COG5: variants seen among roughly 807,000 people sequenced by gnomAD.
COG5 encodes the protein component of oligomeric golgi complex 5.
COG5 carries 86 observed loss-of-function variants against 110.4 expected under a neutral mutation model. The ratio of observed to expected loss-of-function variants is 0.78; its 90% confidence interval spans 0.65 to 0.93. The LOEUF (loss-of-function observed/expected upper bound fraction) is 0.93, where lower values mean the gene tolerates loss of function less well. Ranked by LOEUF, COG5 falls within the 40% of genes least tolerant of loss-of-function variation. The pLI is 0.00. For missense variants in COG5, 1,077 were observed against 987.0 expected (o/e 1.09, Z -1.22); for synonymous variants, 360 against 334.6 (o/e 1.08, Z -0.83).
At chr7:107,557,384 C>T (rs985747570) in intron 2 of COG5, among the ~76,000 whole-genome samples, 1 of 152,188 alleles carries the variant, frequency 6.6e-6, no homozygotes, top group Non-Finnish European at 1.5e-5. Context: ...AGGAGGGAAT[C>T]TTCAAAGTTA....
chr7:107,311,548 C>G (rs59925720), intron 11 of COG5, among the ~76,000 whole-genome samples: 2 of 149,754 alleles, frequency 1.3e-5, no homozygotes, highest in African/African-American at 2.4e-5. Flanking sequence ...CGCCCGCCAC[C>G]GCGCCCGGCT....
At chr7:107,409,400 G>A (rs567051861) in intron 7 of COG5, among the ~76,000 whole-genome samples, 2 of 151,938 alleles carry the variant, frequency 1.3e-5, no homozygotes, top group African/African-American at 2.4e-5. Flanking sequence ...ATTACTGAAA[G>A]TAATCTACTT....
chr7:107,234,797 TAAG>T (rs1312708475), intron 18 of COG5, among the ~76,000 whole-genome samples: 1 of 151,010 alleles, frequency 6.6e-6, no homozygotes. Flanking sequence ...TTTAAACAAA[TAAG>T]AGGAGGTTCT....
At chr7:107,373,092 TATTAGAAATAACATTTGTTA>T (rs1027317975) in intron 7 of COG5, among the ~76,000 whole-genome samples, 13 of 152,116 alleles carry the variant, frequency 8.5e-5, no homozygotes, top group African/African-American at 3.1e-4. Context: ...AAAAGAACCA[TATTAGAAATAACATTTGTTA>T]TTTCTACATT....
chr7:107,279,727 A>G (rs1469450481), intron 14 of COG5, among the ~76,000 whole-genome samples: 1 of 152,146 alleles, frequency 6.6e-6, no homozygotes, highest in Non-Finnish European at 1.5e-5. Context: ...CTAAAATGAA[A>G]GTTGAAAAAT....
chr7:107,471,215 A>G (rs982878392), intron 6 of COG5, among the ~76,000 whole-genome samples: 5 of 152,136 alleles, frequency 3.3e-5, no homozygotes, highest in African/African-American at 9.6e-5. Flanking sequence ...TTATTTAAAG[A>G]AACAATTTTA....
chr7:107,499,858 A>AT (rs1397567708), intron 6 of COG5, among the ~76,000 whole-genome samples: 5 of 151,700 alleles, frequency 3.3e-5, no homozygotes, highest in Admixed American at 6.6e-5. Context: ...TTGCATCTAC[A>AT]TTTTTTTTCT....
At chr7:107,560,541 C>G (rs1187344952) in intron 1 of COG5, among the ~76,000 whole-genome samples, 1 of 152,104 alleles carries the variant, frequency 6.6e-6, no homozygotes, top group Non-Finnish European at 1.5e-5. Context: ...CTGAATATAC[C>G]AAGATGAACA....
At chr7:107,290,485 ATG>A (rs1189737796) in intron 12 of COG5, among the ~76,000 whole-genome samples, 2 of 152,186 alleles carry the variant, frequency 1.3e-5, no homozygotes, top group African/African-American at 4.8e-5. Flanking sequence ...GAAGAAGAAA[ATG>A]TGTGTTTATA....
At chr7:107,556,895 C>G (rs1418610236) in intron 2 of COG5, among the ~76,000 whole-genome samples, 4 of 151,982 alleles carry the variant, frequency 2.6e-5, no homozygotes, top group African/African-American at 9.7e-5. Context: ...CTCAGCCTCC[C>G]GAGTAGCTGG....
Position 107,246,498 on chromosome 7 carries a change from GAACTTAAAC to G in COG5, c.1853+1889_1853+1897del, listed in dbSNP as rs778181513. Among the ~76,000 whole-genome samples, 747 of 152,120 alleles carry G rather than the reference GAACTTAAAC, an allele frequency of 4.9e-3. 6 individuals carry two copies. The highest frequency in any genetic ancestry group is 7.9e-3 in the Admixed American group (121 of 15,284). The stretch of plus-strand genomic sequence containing the variant: ...AGGTCTAAGATCCAGAATCCATAAG[GAACTTAAAC>G]AAATTCACAAGGGAAAAACAAACAA... On this transcript the variant is annotated intron_variant, in intron 17 of 21. Transcript: ENST00000297135.
chr7:107,363,487 A>G (rs1284371739), intron 8 of COG5, among the ~76,000 whole-genome samples: 1 of 152,250 alleles, frequency 6.6e-6, no homozygotes, highest in Non-Finnish European at 1.5e-5. Context: ...AAAATAATTC[A>G]TGAGTACACA....
intron 16 of COG5, among the ~76,000 whole-genome samples, chr7:107,251,268 A>G (rs1584574589): frequency 1.3e-5 from 2 of 152,158 alleles, no homozygotes; most frequent in Admixed American, 1.3e-4. Context: ...TTTCAAACCC[A>G]TATTTCTATT....
chr7:107,216,982 T>C (rs1353748374), intron 19 of COG5, among the ~76,000 whole-genome samples: 6 of 151,614 alleles, frequency 4.0e-5, no homozygotes, highest in Non-Finnish European at 5.9e-5. Context: ...AACCCTTAAC[T>C]AGACTAAAAA....
intron 6 of COG5, among the ~76,000 whole-genome samples, chr7:107,492,769 A>G (rs1251376466): frequency 1.3e-5 from 2 of 152,084 alleles, no homozygotes; most frequent in Non-Finnish European, 2.9e-5. Context: ...TCCCCATCTC[A>G]AAGCCTATAA....
At chr7:107,495,187 T>C (rs967020096) in intron 6 of COG5, among the ~76,000 whole-genome samples, 4 of 152,070 alleles carry the variant, frequency 2.6e-5, no homozygotes, top group African/African-American at 9.7e-5. Context: ...ACTGAGCTCA[T>C]GGCTGGCACG....
chr7:107,549,035 A>T (rs940320840), intron 3 of COG5, among the ~76,000 whole-genome samples: 1 of 152,238 alleles, frequency 6.6e-6, no homozygotes, highest in South Asian at 2.1e-4. Context: ...CATATTTTAA[A>T]TGAAATAATA....
chr7:107,367,368 C>T (rs1383616308), intron 8 of COG5, among the ~76,000 whole-genome samples: 2 of 152,114 alleles, frequency 1.3e-5, no homozygotes, highest in South Asian at 4.2e-4. Context: ...GAAAATAGTA[C>T]AGAGATTTCT....
rs1182221169 is a variant in COG5 at position 107,499,490 on chromosome 7, C to T, written c.538+27747G>A. ...GCACAATCTTGGCTCACTACAACCTCTGCCTCCCAGGTTCAAGCCATTCTC... is the reference window on the plus strand; with the variant it reads ...GCACAATCTTGGCTCACTACAACCTTTGCCTCCCAGGTTCAAGCCATTCTC... On this transcript the variant is annotated intron_variant, in intron 6 of 21. Transcript: ENST00000297135. 2.0e-5 allele frequency among the ~76,000 whole-genome samples: 3 copies of T among 151,484 alleles called. No homozygotes were observed. In the South Asian group the frequency reaches 6.2e-4, roughly 32 times the overall value.
Sources: gnomAD v4.1 joint callset for allele counts (sites outside exome capture counted in the v4.1 genomes callset) on GRCh38, gnomAD v4.1.1 for gene constraint, MANE v1.5 for transcripts, NCBI Gene and HGNC (gene_info 2026-07-23, HGNC 2026-07-21) for gene names.